DCDC2: variants seen among roughly 807,000 people sequenced by gnomAD.
The protein encoded by DCDC2 is doublecortin domain containing 2, also known as doublecortin domain-containing protein 2.
In DCDC2, 40 loss-of-function variants were observed where a neutral mutation model predicts 50.2. The observed-to-expected ratio is 0.80, with a 90% CI of 0.62 to 1.04. The LOEUF (loss-of-function observed/expected upper bound fraction) is 1.04. Among genes scored for constraint, DCDC2 ranks in the 50% least tolerant of loss-of-function variants. The pLI is 0.00. For synonymous variants in DCDC2, 234 were observed against 210.6 expected (o/e 1.11, Z -0.96); for missense variants, 570 against 581.9 (o/e 0.98, Z 0.21).
At chr6:24,346,808 G>C (rs902472673) in intron 2 of DCDC2, among the ~76,000 whole-genome samples, 2 of 151,472 alleles carry the variant, frequency 1.3e-5, no homozygotes, top group African/African-American at 4.9e-5. Flanking sequence ...AGGTATTCTT[G>C]TGGACATCAA....
At chr6:24,371,597 C>A in the DCDC2 span, among the ~76,000 whole-genome samples, 1 of 151,908 alleles carries the variant, frequency 6.6e-6, no homozygotes, top group African/African-American at 2.4e-5. Context: ...CAGAGTGAGA[C>A]CTCATCTGAA....
intron 7 of DCDC2, among the ~76,000 whole-genome samples, chr6:24,216,852 A>T (rs893846500): frequency 6.6e-5 from 10 of 152,260 alleles, no homozygotes; most frequent in African/African-American, 1.4e-4. Context: ...GTACTTCATG[A>T]ATATACCATT....
the DCDC2 span, among the ~76,000 whole-genome samples, chr6:24,374,925 G>A: frequency 1.3e-5 from 2 of 152,198 alleles, no homozygotes; most frequent in Non-Finnish European, 2.9e-5. Context: ...GCCCCAGCTT[G>A]TGGTGACCAG....
chr6:24,342,988 C>T (rs542863886), intron 2 of DCDC2, among the ~76,000 whole-genome samples: 4 of 151,830 alleles, frequency 2.6e-5, no homozygotes, highest in African/African-American at 4.8e-5. Context: ...CTGATTGGCA[C>T]GTGAGTCTTT....
At chr6:24,194,311 TA>T (rs1331206700) in intron 8 of DCDC2, among the ~76,000 whole-genome samples, 4 of 152,126 alleles carry the variant, frequency 2.6e-5, no homozygotes, top group African/African-American at 4.8e-5. Context: ...ACCTCCAGTT[TA>T]AAAAAATTAT....
intron 7 of DCDC2, among the ~76,000 whole-genome samples, chr6:24,262,460 C>T (rs886541799): frequency 6.6e-6 from 1 of 152,218 alleles, no homozygotes; most frequent in African/African-American, 2.4e-5. Flanking sequence ...TGGGAAAGCC[C>T]TGGTGCTGCG....
intron 8 of DCDC2, among the ~76,000 whole-genome samples, chr6:24,202,233 A>G (rs1374954805): frequency 1.3e-5 from 2 of 152,230 alleles, no homozygotes; most frequent in South Asian, 2.1e-4. Context: ...AAAATCCTCA[A>G]TAAAATACTG....
chr6:24,358,033 C>A lies in DCDC2; in HGVS notation c.-283G>T. The A allele has an allele frequency of 8.4e-7, 1 of 1,185,272 alleles. No homozygotes were observed. Among genetic ancestry groups the A allele is most frequent in the Non-Finnish European group, 1.2e-6 (1 of 864,570 alleles). 73.4% of individuals were successfully genotyped at this position (1,185,272 alleles called of 1,614,324 possible). On this transcript the variant is annotated 5_prime_UTR_variant, in exon 1 of 10. Coordinates refer to ENST00000378454, the MANE Select transcript of DCDC2 (RefSeq NM_016356.5). ...CGCACCACACCAGGTTCACCTGCTA[C>A]GGGCAGAATCAAGGTGGACAGCTTC...
chr6:24,236,663 G>A (rs571043168), intron 7 of DCDC2, among the ~76,000 whole-genome samples: 1 of 151,904 alleles, frequency 6.6e-6, no homozygotes, highest in African/African-American at 2.4e-5. Flanking sequence ...CTAACATCTT[G>A]AATTATAAGG....
intron 8 of DCDC2, among the ~76,000 whole-genome samples, chr6:24,186,436 A>T (rs990028015): frequency 2.0e-5 from 3 of 152,222 alleles, no homozygotes; most frequent in African/African-American, 7.2e-5. Flanking sequence ...CCAGTAGATG[A>T]AAATATCTTT....
intron 2 of DCDC2, among the ~76,000 whole-genome samples, chr6:24,305,064 A>G (rs1286045408): frequency 6.6e-6 from 1 of 152,218 alleles, no homozygotes; most frequent in Non-Finnish European, 1.5e-5. Flanking sequence ...AATATGTTAT[A>G]TCAATAAGTA....
chr6:24,270,546 T>C (rs1561751823), intron 7 of DCDC2, among the ~76,000 whole-genome samples: 1 of 152,216 alleles, frequency 6.6e-6, no homozygotes, highest in Non-Finnish European at 1.5e-5. Context: ...CATTTATCTG[T>C]GTCCTTTACA....
chr6:24,250,778 C>T (rs1028136047), intron 7 of DCDC2, among the ~76,000 whole-genome samples: 1 of 152,078 alleles, frequency 6.6e-6, no homozygotes, highest in Non-Finnish European at 1.5e-5. Flanking sequence ...AATCATACCC[C>T]TAAAGCACTC....
intron 8 of DCDC2, among the ~76,000 whole-genome samples, chr6:24,204,321 G>A (rs918059655): frequency 2.3e-4 from 35 of 152,154 alleles, no homozygotes; most frequent in African/African-American, 8.0e-4. Context: ...AAAAGGATGT[G>A]TTCGTGTCTT....
chr6:24,252,191 C>A (rs1373367447), intron 7 of DCDC2, among the ~76,000 whole-genome samples: 3 of 152,192 alleles, frequency 2.0e-5, no homozygotes, highest in African/African-American at 4.8e-5. Context: ...CCTACAAAGC[C>A]ATTCCAGCCC....
chr6:24,246,576 T>G (rs1762679221), intron 7 of DCDC2, among the ~76,000 whole-genome samples: 1 of 130,436 alleles, frequency 7.7e-6, no homozygotes, highest in African/African-American at 2.8e-5. Flanking sequence ...AACCACTGCC[T>G]CCCAGGTTCA....
In DCDC2 at chr6:24,253,572, T is replaced by G. The variant is rs373529923; in HGVS notation, c.922+24477A>C. 5.3e-5 allele frequency among the ~76,000 whole-genome samples: 8 copies of G among 152,326 alleles called. No homozygotes were observed. In the East Asian group the frequency reaches 1.5e-3, roughly 29 times the overall value. On this transcript the variant is annotated intron_variant, in intron 7 of 9. Transcript: ENST00000378454. Reference sequence around the variant, plus strand: ...CCTATTACACACCTAGGGTGTGTGCTATAGCCTATTGCTCCTACACTACAA... The same window carrying G: ...CCTATTACACACCTAGGGTGTGTGCGATAGCCTATTGCTCCTACACTACAA...
rs1760970665 is a variant in DCDC2 at position 24,178,320 on chromosome 6, A to G, written c.1326+10T>C. The G allele has an allele frequency of 2.5e-6, 4 of 1,609,820 alleles. No homozygotes were observed. Among genetic ancestry groups the G allele is most frequent in the Middle Eastern group, 1.7e-4 (1 of 6,022 alleles). ...GCATTCACATAAGCAAGCAAAAGCA[A>G]TAGAAATACCTCATCTTGTCCACTG... On this transcript the variant is annotated intron_variant, in intron 9 of 9. Coordinates refer to ENST00000378454, the MANE Select transcript of DCDC2 (RefSeq NM_016356.5).
intron 7 of DCDC2, among the ~76,000 whole-genome samples, chr6:24,223,452 C>T (rs1327167830): frequency 1.3e-5 from 2 of 152,160 alleles, no homozygotes; most frequent in South Asian, 2.1e-4. Context: ...GTATCGAGCA[C>T]TCTCTCTCAC....
Sources: gnomAD v4.1 joint callset for allele counts (sites outside exome capture counted in the v4.1 genomes callset) on GRCh38, gnomAD v4.1.1 for gene constraint, MANE v1.5 for transcripts, NCBI Gene and HGNC (gene_info 2026-07-23, HGNC 2026-07-21) for gene names.